JMJD1C: variants seen among roughly 807,000 people sequenced by gnomAD.
JMJD1C encodes jumonji domain-containing protein 1C.
In JMJD1C, 31 loss-of-function variants were observed where a neutral mutation model predicts 245.3. The observed-to-expected ratio is 0.13, with a 90% CI of 0.09 to 0.17. The LOEUF (loss-of-function observed/expected upper bound fraction) is 0.17. Among genes scored for constraint, JMJD1C ranks in the 10% least tolerant of loss-of-function variants. The pLI, the probability that JMJD1C is intolerant of heterozygous loss-of-function variation, is 1.00. For synonymous variants in JMJD1C, 1,057 were observed against 1,017.4 expected (o/e 1.04, Z -0.74); for missense variants, 2,691 against 3,000.2 (o/e 0.90, Z 2.41).
At chr10:63,327,118 C>T (rs2134143124) in intron 2 of JMJD1C, among the ~76,000 whole-genome samples, 1 of 152,166 alleles carries the variant, frequency 6.6e-6, no homozygotes. Context: ...GCCCAGGAGG[C>T]TGATGCTACA....
At chr10:63,449,577 G>A (rs2133002132) in intron 1 of JMJD1C, among the ~76,000 whole-genome samples, 1 of 152,144 alleles carries the variant, frequency 6.6e-6, no homozygotes, top group South Asian at 2.1e-4. Context: ...AAACAAATGA[G>A]TAAAAGATAT....
At chr10:63,400,374 C>T (rs1054139585) in intron 1 of JMJD1C, among the ~76,000 whole-genome samples, 1 of 152,124 alleles carries the variant, frequency 6.6e-6, no homozygotes, top group Non-Finnish European at 1.5e-5. Flanking sequence ...GTGTCCATTC[C>T]TCTCCTCTAG....
At chr10:63,347,759 A>G (rs1943980922) in intron 2 of JMJD1C, among the ~76,000 whole-genome samples, 1 of 151,896 alleles carries the variant, frequency 6.6e-6, no homozygotes, top group African/African-American at 2.4e-5. Flanking sequence ...TACTAAAAAT[A>G]CAAAAATCAG....
At chr10:63,494,139 C>T (rs1369109913) in intron 1 of JMJD1C, among the ~76,000 whole-genome samples, 1 of 152,052 alleles carries the variant, frequency 6.6e-6, no homozygotes, top group Admixed American at 6.6e-5. Flanking sequence ...GGAGAAACCC[C>T]ATCTCTACTA....
intron 2 of JMJD1C, among the ~76,000 whole-genome samples, chr10:63,328,492 G>A (rs1351031333): frequency 2.6e-5 from 4 of 152,158 alleles, no homozygotes; most frequent in Non-Finnish European, 5.9e-5. Context: ...TATATTTATA[G>A]ACATGTGATG....
intron 1 of JMJD1C, among the ~76,000 whole-genome samples, chr10:63,424,359 A>T (rs181953372): frequency 6.6e-6 from 1 of 152,132 alleles, no homozygotes; most frequent in East Asian, 1.9e-4. Context: ...GAGCCACTGC[A>T]CATGGCCTGT....
intron 2 of JMJD1C, among the ~76,000 whole-genome samples, chr10:63,305,730 G>A (rs1362257120): frequency 6.7e-6 from 1 of 149,442 alleles, no homozygotes; most frequent in African/African-American, 2.5e-5. Context: ...TATTCAAACT[G>A]TATTGTAACG....
intron 2 of JMJD1C, among the ~76,000 whole-genome samples, chr10:63,266,833 T>A (rs978317296): frequency 6.6e-6 from 1 of 152,188 alleles, no homozygotes; most frequent in Non-Finnish European, 1.5e-5. Flanking sequence ...GTGGCTTGCA[T>A]TTCCTATGAG....
At chr10:63,297,488 T>G (rs1311233690) in intron 2 of JMJD1C, among the ~76,000 whole-genome samples, 2 of 152,228 alleles carry the variant, frequency 1.3e-5, no homozygotes, top group Non-Finnish European at 2.9e-5. Flanking sequence ...AACCTCATTC[T>G]TCCTGGATGC....
intron 3 of JMJD1C, among the ~76,000 whole-genome samples, chr10:63,243,103 T>TTTTATATATA (rs374884422): frequency 1.7e-5 from 2 of 120,108 alleles, no homozygotes; most frequent in Non-Finnish European, 3.6e-5. Context: ...CTAACATAAA[T>TTTTATATATA]TATATATATA....
intron 1 of JMJD1C, among the ~76,000 whole-genome samples, chr10:63,463,273 C>T (rs992264896): frequency 6.6e-5 from 10 of 152,122 alleles, no homozygotes; most frequent in Admixed American, 3.9e-4. Context: ...TCAGGTGATC[C>T]TCCCACCTCA....
intron 1 of JMJD1C, among the ~76,000 whole-genome samples, chr10:63,476,438 A>C (rs1291245829): frequency 6.6e-6 from 1 of 152,088 alleles, no homozygotes; most frequent in Non-Finnish European, 1.5e-5. Flanking sequence ...CATTCAATCA[A>C]AAATTATAGG....
intron 1 of JMJD1C, among the ~76,000 whole-genome samples, chr10:63,398,929 G>A (rs562889251): frequency 6.6e-6 from 1 of 152,278 alleles, no homozygotes; most frequent in South Asian, 2.1e-4. Context: ...TTACACGTGG[G>A]AGCCACCGCT....
chr10:63,304,084 T>A (rs61855497), intron 2 of JMJD1C, among the ~76,000 whole-genome samples: 58,122 of 151,824 alleles, frequency 0.38, 11,441 homozygotes, highest in South Asian at 0.5. Context: ...GGACTTTGCC[T>A]TACTTATCTT....
chr10:63,372,084 C>A (rs1241577310), intron 2 of JMJD1C, among the ~76,000 whole-genome samples: 1 of 152,212 alleles, frequency 6.6e-6, no homozygotes, highest in Non-Finnish European at 1.5e-5. Flanking sequence ...TAAAGGTAAT[C>A]TTGTCCCAAA....
In JMJD1C at chr10:63,214,613, T is replaced by C. The variant is rs1185238781; in HGVS notation, c.1554A>G (p.Leu518=). The change falls in exon 8 of 26, where the codon TTA becomes TTG. Residue 518 remains leucine (L), a synonymous_variant. Transcript: ENST00000399262. ...CVIDITNDTN[L]EKVAQENSST... ...TTGAGTTTTCCTGAGCCACCTTTTCTAAATTAGTGTCATTTGTAATATCAA... is the reference window on the plus strand; with the variant it reads ...TTGAGTTTTCCTGAGCCACCTTTTCCAAATTAGTGTCATTTGTAATATCAA... The C allele has an allele frequency of 1.2e-6, 2 of 1,614,184 alleles. No individual in the cohort carries two copies. Among genetic ancestry groups the C allele is most frequent in the South Asian group, 2.2e-5 (2 of 91,076 alleles).
intron 16 of JMJD1C, among the ~76,000 whole-genome samples, chr10:63,191,724 C>G (rs1844825557): frequency 6.6e-6 from 1 of 152,118 alleles, no homozygotes; most frequent in South Asian, 2.1e-4. Context: ...GTGGCTCATA[C>G]CTGTAATCCC....
At chr10:63,457,572 TAAG>T (rs1952493927) in intron 1 of JMJD1C, among the ~76,000 whole-genome samples, 1 of 151,798 alleles carries the variant, frequency 6.6e-6, no homozygotes, top group Non-Finnish European at 1.5e-5. Flanking sequence ...AATACCAAAT[TAAG>T]AAGATGAAAG....
At chr10:63,365,518 C>T (rs1398798116) in intron 2 of JMJD1C, among the ~76,000 whole-genome samples, 1 of 152,126 alleles carries the variant, frequency 6.6e-6, no homozygotes, top group Admixed American at 6.5e-5. Flanking sequence ...AGCCTGTAAT[C>T]TCAGCATTTT....
Sources: gnomAD v4.1 joint callset for allele counts (sites outside exome capture counted in the v4.1 genomes callset) on GRCh38, gnomAD v4.1.1 for gene constraint, MANE v1.5 for transcripts, NCBI Gene and HGNC (gene_info 2026-07-23, HGNC 2026-07-21) for gene names.